The following BABAM2 variants were observed in gnomAD, a reference collection of about 807,000 sequenced individuals.
BABAM2 encodes the protein BRISC and BRCA1-A complex member 2.
BABAM2 carries 31 observed loss-of-function variants against 54.7 expected under a neutral mutation model. That is an observed-to-expected ratio of 0.57 (90% CI 0.43 to 0.77). The LOEUF (loss-of-function observed/expected upper bound fraction) is 0.77, where lower values mean the gene tolerates loss of function less well. Among genes scored for constraint, BABAM2 ranks in the 30% least tolerant of loss-of-function variants. BABAM2 has a pLI of 0.00. For missense variants in BABAM2, 364 were observed against 455.8 expected, an observed-to-expected ratio of 0.80 and a Z score of 1.83; for synonymous variants, 167 against 162.9, an observed-to-expected ratio of 1.03 and a Z score of -0.19.
chr2:28,228,142 C>G (rs922312985), intron 7 of BABAM2, among the ~76,000 whole-genome samples: 1 of 152,232 alleles, frequency 6.6e-6, no homozygotes, highest in African/African-American at 2.4e-5. Flanking sequence ...ATCTCATCTT[C>G]TGGTATCTTT....
chr2:28,104,676 A>G (rs1667354008), intron 6 of BABAM2, among the ~76,000 whole-genome samples: 1 of 152,206 alleles, frequency 6.6e-6, no homozygotes, highest in Admixed American at 6.5e-5. Context: ...TGACCCAGCC[A>G]TCCCATTACT....
At chr2:27,998,371 A>G (rs1673328385) in intron 4 of BABAM2, among the ~76,000 whole-genome samples, 1 of 151,770 alleles carries the variant, frequency 6.6e-6, no homozygotes, top group South Asian at 2.1e-4. Flanking sequence ...CCAGTCTATA[A>G]CCCTAGATGA....
intron 6 of BABAM2, among the ~76,000 whole-genome samples, chr2:28,112,186 C>CCTT (rs1558347227): frequency 1.3e-5 from 1 of 76,200 alleles, no homozygotes. Context: ...TCCCTCCCTC[C>CCTT]CTCCCTCCCT....
At chr2:28,114,990 T>C (rs1473973304) in intron 6 of BABAM2, among the ~76,000 whole-genome samples, 1 of 152,220 alleles carries the variant, frequency 6.6e-6, no homozygotes, top group Non-Finnish European at 1.5e-5. Flanking sequence ...TACACATTCA[T>C]ACATTTGTTT....
intron 6 of BABAM2, among the ~76,000 whole-genome samples, chr2:28,125,304 T>TC (rs1669418023): frequency 6.6e-6 from 1 of 151,300 alleles, no homozygotes. Flanking sequence ...ATTATTATTA[T>TC]TTTTTTTGAG....
At chr2:28,151,881 T>A (rs1203469637) in intron 7 of BABAM2, among the ~76,000 whole-genome samples, 1 of 152,168 alleles carries the variant, frequency 6.6e-6, no homozygotes, top group Admixed American at 6.5e-5. Flanking sequence ...CTTTTGGTAG[T>A]CTTCACACAC....
intron 4 of BABAM2, among the ~76,000 whole-genome samples, chr2:27,993,133 G>A (rs1255976037): frequency 6.6e-6 from 1 of 152,100 alleles, no homozygotes; most frequent in African/African-American, 2.4e-5. Context: ...GGGTTTTCTG[G>A]GATGCAGGAC....
At chr2:28,018,446 A>G (rs888212032) in intron 4 of BABAM2, among the ~76,000 whole-genome samples, 1 of 152,292 alleles carries the variant, frequency 6.6e-6, no homozygotes, top group South Asian at 2.1e-4. Context: ...TGCAATTGCA[A>G]ATTGTGCTGC....
At chr2:27,929,520 T>G (rs544390598) in intron 2 of BABAM2, among the ~76,000 whole-genome samples, 1 of 152,350 alleles carries the variant, frequency 6.6e-6, no homozygotes, top group East Asian at 1.9e-4. Context: ...AATAGACATG[T>G]GTTTTGGATA....
At chr2:28,250,460 T>C (rs1683348177) in intron 10 of BABAM2, among the ~76,000 whole-genome samples, 1 of 151,376 alleles carries the variant, frequency 6.6e-6, no homozygotes, top group South Asian at 2.1e-4. Context: ...GCAACATTGC[T>C]CCTTGTCCTC....
chr2:28,284,770 G>A (rs1686653682), intron 10 of BABAM2, among the ~76,000 whole-genome samples: 1 of 152,112 alleles, frequency 6.6e-6, no homozygotes, highest in South Asian at 2.1e-4. Flanking sequence ...AGCTTGGTTT[G>A]TATTTTCTCA....
Position 28,272,475 on chromosome 2 carries a change from G to A in BABAM2, c.935-25863G>A, listed in dbSNP as rs569608486. On this transcript the variant is annotated intron_variant, in intron 10 of 11. Transcript: ENST00000379624. ...GCAAAGGCTGCAAGATAAGAGGAAC[G>A]CGAACTGGCTCAACTCAAGGATTCA... Among the ~76,000 whole-genome samples, 204 of 152,288 alleles carry A rather than the reference G, an allele frequency of 1.3e-3. 1 individual carries two copies. The highest frequency in any genetic ancestry group is 2.6e-3 in the Non-Finnish European group (174 of 68,018).
chr2:28,128,656 C>T (rs971484542), intron 6 of BABAM2, among the ~76,000 whole-genome samples: 2 of 152,152 alleles, frequency 1.3e-5, no homozygotes, highest in African/African-American at 2.4e-5. Context: ...TTTATTGGTA[C>T]ATACTTGGAT....
chr2:28,057,125 T>A (rs932492635), intron 6 of BABAM2, among the ~76,000 whole-genome samples: 4 of 152,164 alleles, frequency 2.6e-5, no homozygotes, highest in Non-Finnish European at 4.4e-5. Flanking sequence ...ATACTTCTCT[T>A]TAGGGAGTGT....
intron 5 of BABAM2, among the ~76,000 whole-genome samples, chr2:28,030,770 A>G (rs1676241130): frequency 6.6e-6 from 1 of 152,156 alleles, no homozygotes; most frequent in Admixed American, 6.5e-5. Flanking sequence ...GCTTAGGACA[A>G]CACAGACTTA....
At chr2:28,205,427 C>CGAGAGG (rs1678739590) in intron 7 of BABAM2, among the ~76,000 whole-genome samples, 1 of 139,778 alleles carries the variant, frequency 7.2e-6, no homozygotes, top group Non-Finnish European at 1.7e-5. Context: ...CACTTGAACC[C>CGAGAGG]GAGAGGTAGA....
chr2:28,113,519 T>C (rs1668325637), intron 6 of BABAM2, among the ~76,000 whole-genome samples: 1 of 152,210 alleles, frequency 6.6e-6, no homozygotes, highest in Admixed American at 6.5e-5. Flanking sequence ...ATATCTATTT[T>C]GGTACCAGTA....
intron 3 of BABAM2, among the ~76,000 whole-genome samples, chr2:27,959,682 G>A (rs567793518): frequency 2.0e-5 from 3 of 152,058 alleles, no homozygotes; most frequent in African/African-American, 7.2e-5. Context: ...GACACTGCTT[G>A]ATTTCCTTCT....
intron 3 of BABAM2, among the ~76,000 whole-genome samples, chr2:27,972,257 G>A (rs1377601711): frequency 6.6e-6 from 1 of 152,232 alleles, no homozygotes; most frequent in African/African-American, 2.4e-5. Flanking sequence ...GTCATCTGCA[G>A]ATGGTTTGGG....
Sources: gnomAD v4.1 joint callset for allele counts (sites outside exome capture counted in the v4.1 genomes callset) on GRCh38, gnomAD v4.1.1 for gene constraint, MANE v1.5 for transcripts, NCBI Gene and HGNC (gene_info 2026-07-23, HGNC 2026-07-21) for gene names.